NTNG1: variants seen among roughly 807,000 people sequenced by gnomAD.
NTNG1 encodes the protein netrin G1.
A neutral mutation model predicts 54.0 loss-of-function variants in NTNG1; 16 were observed. The ratio of observed to expected loss-of-function variants is 0.30; its 90% CI spans 0.20 to 0.45. The LOEUF (loss-of-function observed/expected upper bound fraction) is 0.45, where lower values mean the gene tolerates loss of function less well. Among genes scored for constraint, NTNG1 ranks in the 20% least tolerant of loss-of-function variants. The pLI is 1.00. For synonymous variants in NTNG1, 255 were observed against 263.1 expected, an observed-to-expected ratio of 0.97 and a Z score of 0.30; for missense variants, 530 against 678.7, an observed-to-expected ratio of 0.78 and a Z score of 2.43.
At chr1:107,183,382 G>A (rs534336390) in intron 2 of NTNG1, among the ~76,000 whole-genome samples, 2 of 152,240 alleles carry the variant, frequency 1.3e-5, no homozygotes, top group South Asian at 2.1e-4. Flanking sequence ...TTCGGGAAGC[G>A]ATCAGTTAGA....
rs536085264 is a variant in NTNG1 at position 107,248,378 on chromosome 1, A to G, written c.247-75904A>G. On this transcript the variant is annotated intron_variant, in intron 2 of 7. Coordinates refer to ENST00000370068, the MANE Select transcript of NTNG1 (RefSeq NM_001113226.3). The stretch of plus-strand genomic sequence containing the variant: ...TAATACGATGTCTTCTCCAATTTCT[A>G]GAGGGAGTAGCAGGTGGTGAAGCCA... Among the ~76,000 whole-genome samples, 22 of 152,292 alleles carry G rather than the reference A, an allele frequency of 1.4e-4. No individual in the cohort carries two copies. The South Asian group carries it at 3.5e-3, about 24-fold the overall frequency.
Position 107,407,271 on chromosome 1 carries a change from G to A in NTNG1, c.1061-411G>A, listed in dbSNP as rs546011980. On this transcript the variant is annotated intron_variant, in intron 4 of 7. Transcript: ENST00000370068. ...ATTGCATATGTGAATATATTTGCACGTGTCCATAGAGTGTATATTTGGTAC... is the reference window on the plus strand; with the variant it reads ...ATTGCATATGTGAATATATTTGCACATGTCCATAGAGTGTATATTTGGTAC... 1.1e-4 allele frequency among the ~76,000 whole-genome samples: 17 copies of A among 152,172 alleles called. No homozygotes were observed. The South Asian group carries it at 2.9e-3, about 26-fold the overall frequency.
chr1:107,206,664 A>G (rs990413773), intron 2 of NTNG1, among the ~76,000 whole-genome samples: 5 of 152,214 alleles, frequency 3.3e-5, no homozygotes, highest in African/African-American at 1.2e-4. Context: ...CACAAGGATT[A>G]TTCCTGAAAA....
At chr1:107,273,021 AG>A (rs1252793359) in intron 2 of NTNG1, among the ~76,000 whole-genome samples, 1 of 152,230 alleles carries the variant, frequency 6.6e-6, no homozygotes, top group Non-Finnish European at 1.5e-5. Context: ...AGGATAATAA[AG>A]ATGCAAAGAT....
In NTNG1 at chr1:107,324,942, C is replaced by T. The variant is rs1346212582; in HGVS notation, c.887+20C>T. On this transcript the variant is annotated intron_variant, in intron 3 of 7. Coordinates refer to ENST00000370068, the MANE Select transcript of NTNG1 (RefSeq NM_001113226.3). Reference sequence around the variant, plus strand: ...AGGAAGGTAAGAGAAAATCTGTCTGCCTTCAATGGGAACGGGTGTGTCCAA... The same window carrying T: ...AGGAAGGTAAGAGAAAATCTGTCTGTCTTCAATGGGAACGGGTGTGTCCAA... The T allele has an allele frequency of 1.9e-6, 3 of 1,592,606 alleles. No individual in the cohort carries two copies. In the South Asian group the frequency reaches 3.4e-5, roughly 18 times the overall value.
chr1:107,238,941 G>A (rs10881459), intron 2 of NTNG1, among the ~76,000 whole-genome samples: 119,775 of 151,940 alleles, frequency 0.79, 48,833 homozygotes, highest in South Asian at 0.92. Flanking sequence ...CATACACCTA[G>A]GAAGCTATGC....
intron 3 of NTNG1, among the ~76,000 whole-genome samples, chr1:107,387,510 C>G (rs1473053111): frequency 6.6e-6 from 1 of 152,190 alleles, no homozygotes; most frequent in Admixed American, 6.5e-5. Context: ...TTCTAACAAG[C>G]CCTCTGCTGA....
At chr1:107,348,532 T>G (rs1669406751) in intron 3 of NTNG1, among the ~76,000 whole-genome samples, 2 of 152,206 alleles carry the variant, frequency 1.3e-5, no homozygotes, top group Non-Finnish European at 2.9e-5. Flanking sequence ...TCCACTGTTG[T>G]GCCTCAGCCA....
At chr1:107,353,948 G>T (rs1557926096) in intron 3 of NTNG1, among the ~76,000 whole-genome samples, 1 of 152,022 alleles carries the variant, frequency 6.6e-6, no homozygotes, top group Admixed American at 6.6e-5. Flanking sequence ...GATCTTATGA[G>T]AAGTCACTCA....
chr1:107,440,566 T>C (rs567223919), intron 7 of NTNG1, among the ~76,000 whole-genome samples: 2 of 152,304 alleles, frequency 1.3e-5, no homozygotes, highest in East Asian at 1.9e-4. Context: ...CAATTATTAT[T>C]ACTACTTCCA....
chr1:107,260,161 A>C lies in NTNG1; in HGVS notation c.247-64121A>C, dbSNP rs77833628. Among the ~76,000 whole-genome samples the C allele has an allele frequency of 3.4e-3, 512 of 152,328 alleles. 1 individual carries two copies. Among genetic ancestry groups the C allele is most frequent in the African/African-American group, 0.012 (489 of 41,578 alleles). ...GTGAAAATACTCATTTGATCCTCTCACGATACTAGTGTTCTGTGATAACAT... is the reference window on the plus strand; with the variant it reads ...GTGAAAATACTCATTTGATCCTCTCCCGATACTAGTGTTCTGTGATAACAT... On this transcript the variant is annotated intron_variant, in intron 2 of 7. Coordinates refer to ENST00000370068, the MANE Select transcript of NTNG1 (RefSeq NM_001113226.3).
chr1:107,376,132 T>C (rs778362908), intron 3 of NTNG1, among the ~76,000 whole-genome samples: 1 of 152,174 alleles, frequency 6.6e-6, no homozygotes. Flanking sequence ...ATAATATTGC[T>C]ATTGTAGGCT....
At chr1:107,421,470 A>G (rs1406295942) in intron 5 of NTNG1, among the ~76,000 whole-genome samples, 1 of 152,062 alleles carries the variant, frequency 6.6e-6, no homozygotes, top group East Asian at 1.9e-4. Flanking sequence ...GAAAATAAGG[A>G]AACCCACTTA....
At chr1:107,334,520 G>T (rs1002541523) in intron 3 of NTNG1, among the ~76,000 whole-genome samples, 2 of 151,842 alleles carry the variant, frequency 1.3e-5, no homozygotes, top group Admixed American at 6.6e-5. Flanking sequence ...CAGGTTGGAA[G>T]GAGACAGCAT....
intron 3 of NTNG1, among the ~76,000 whole-genome samples, chr1:107,373,413 A>T (rs1671044515): frequency 6.6e-6 from 1 of 152,100 alleles, no homozygotes; most frequent in Admixed American, 6.6e-5. Flanking sequence ...CATGTTTTAC[A>T]GATATATATA....
At chr1:107,271,167 A>T (rs1348010044) in intron 2 of NTNG1, among the ~76,000 whole-genome samples, 1 of 152,236 alleles carries the variant, frequency 6.6e-6, no homozygotes, top group Non-Finnish European at 1.5e-5. Context: ...GCATAAATCA[A>T]TCCAAACTAT....
At position 107,482,887 on chromosome 1, in the gene NTNG1, T is replaced by A. The variant is rs1341867066; in HGVS notation, c.*2047T>A. The A allele has an allele frequency of 6.6e-6, 1 of 152,192 alleles. No individual in the cohort carries two copies. Among genetic ancestry groups the A allele is most frequent in the African/African-American group, 2.4e-5 (1 of 41,452 alleles). The allele number at this position is 152,192 out of a possible 1,614,324, so 9.4% of individuals were successfully genotyped here. ...TGCCTGTGCTGCCTGCCACCCCACG[T>A]CTAAGTCTATTGAATGTTTGTTATT... On this transcript the variant is annotated 3_prime_UTR_variant, in exon 8 of 8. Transcript: ENST00000370068.
rs558282663 is a variant in NTNG1 at position 107,424,660 on chromosome 1, A to T, written c.1088-6090A>T. 2.6e-5 allele frequency among the ~76,000 whole-genome samples: 4 copies of T among 152,228 alleles called. No homozygotes were observed. In the South Asian group the frequency reaches 8.3e-4, roughly 32 times the overall value. ...AGGAATGGAATAGTCATGTAGTGAG[A>T]TGGAGAAGCCTGGGTGAGTAGCAAG... On this transcript the variant is annotated intron_variant, in intron 5 of 7. Transcript: ENST00000370068.
intron 7 of NTNG1, among the ~76,000 whole-genome samples, chr1:107,478,984 T>C (rs1201975310): frequency 2.0e-5 from 3 of 152,246 alleles, no homozygotes; most frequent in African/African-American, 7.2e-5. Flanking sequence ...AGCCACTCAA[T>C]AAGAGGTAGC....
Sources: allele counts gnomAD v4.1 joint callset (sites outside exome capture counted in the v4.1 genomes callset), GRCh38; gene constraint gnomAD v4.1.1; transcripts MANE v1.5; gene names NCBI Gene and HGNC (gene_info 2026-07-23, HGNC 2026-07-21).